Variants in GBE1 observed in about 807,000 individuals in gnomAD.
The protein encoded by GBE1 is 1,4-alpha-glucan branching enzyme 1.
Under a neutral mutation model 88.8 loss-of-function variants are expected in GBE1, and 70 were observed. The ratio of observed to expected loss-of-function variants is 0.79; its 90% CI spans 0.65 to 0.96. The LOEUF is 0.96. Ranked by LOEUF, GBE1 falls within the 40% of genes least tolerant of loss-of-function variation. The pLI, the probability that GBE1 is intolerant of heterozygous loss-of-function variation, is 0.00. For missense variants in GBE1, 872 were observed against 871.0 expected, an observed-to-expected ratio of 1.00 and a Z score of -0.01; for synonymous variants, 284 against 300.1, an observed-to-expected ratio of 0.95 and a Z score of 0.56.
At chr3:81,552,145 T>C (rs1326443203) in intron 12 of GBE1, among the ~76,000 whole-genome samples, 1 of 152,206 alleles carries the variant, frequency 6.6e-6, no homozygotes, top group Non-Finnish European at 1.5e-5. Context: ...TTACAATTGC[T>C]TGGGGTGGTT....
chr3:81,527,766 G>A (rs1307450010), intron 14 of GBE1, among the ~76,000 whole-genome samples: 1 of 152,132 alleles, frequency 6.6e-6, no homozygotes. Flanking sequence ...TACACTGTTA[G>A]TGGGAATGTA....
At chr3:81,635,689 C>T (rs1001718978) in intron 7 of GBE1, among the ~76,000 whole-genome samples, 5 of 152,058 alleles carry the variant, frequency 3.3e-5, no homozygotes, top group Admixed American at 1.3e-4. Flanking sequence ...ATAAACAAAA[C>T]CATTATTATT....
intron 1 of GBE1, among the ~76,000 whole-genome samples, chr3:81,759,347 T>C (rs1029738107): frequency 3.3e-5 from 5 of 152,246 alleles, no homozygotes; most frequent in Admixed American, 6.5e-5. Context: ...CTGTTGTTTG[T>C]ACCTCAAATT....
intron 7 of GBE1, among the ~76,000 whole-genome samples, chr3:81,615,840 T>C (rs978118527): frequency 6.6e-6 from 1 of 152,216 alleles, no homozygotes; most frequent in African/African-American, 2.4e-5. Flanking sequence ...TATTTAGTTT[T>C]ACAAGAAACT....
At chr3:81,551,679 T>C (rs1243433130) in intron 12 of GBE1, among the ~76,000 whole-genome samples, 2 of 152,228 alleles carry the variant, frequency 1.3e-5, no homozygotes, top group Admixed American at 6.5e-5. Context: ...GACTGATGTC[T>C]CATGTCTCCC....
chr3:81,509,277 T>A (rs919191254), intron 14 of GBE1, among the ~76,000 whole-genome samples: 4 of 150,308 alleles, frequency 2.7e-5, no homozygotes, highest in African/African-American at 9.7e-5. Context: ...AGTCTTTTTT[T>A]AAATTTTAGG....
chr3:81,748,649 A>G (rs1706452647), intron 1 of GBE1, among the ~76,000 whole-genome samples: 1 of 151,916 alleles, frequency 6.6e-6, no homozygotes, highest in South Asian at 2.1e-4. Flanking sequence ...TAATGATAAT[A>G]CCAAATGTTG....
At chr3:81,732,033 A>C (rs1706193838) in intron 1 of GBE1, among the ~76,000 whole-genome samples, 1 of 143,940 alleles carries the variant, frequency 6.9e-6, no homozygotes, top group Non-Finnish European at 1.6e-5. Context: ...AAACAATAAC[A>C]AACAAAAACT....
Position 81,521,538 on chromosome 3 carries a change from A to G in GBE1, c.1934+13657T>C, listed in dbSNP as rs539255467. On this transcript the variant is annotated intron_variant, in intron 14 of 15. Transcript: ENST00000429644. ...CTACACTGTAGGTTAAAAGTACAAG[A>G]ATAAAGTCAGAAAGATAAAAGGCCA... is the stretch of plus-strand genomic sequence containing the variant. Among the ~76,000 whole-genome samples the G allele has an allele frequency of 4.6e-5, 7 of 151,742 alleles. No individual in the cohort carries two copies. The South Asian group carries it at 1.5e-3, about 31-fold the overall frequency.
At chr3:81,668,573 C>T (rs1705145811) in intron 3 of GBE1, among the ~76,000 whole-genome samples, 1 of 151,988 alleles carries the variant, frequency 6.6e-6, no homozygotes, top group African/African-American at 2.4e-5. Flanking sequence ...TTTTTCATGC[C>T]TCCTACTTGA....
At chr3:81,622,475 C>T (rs566719965) in intron 7 of GBE1, among the ~76,000 whole-genome samples, 3 of 152,176 alleles carry the variant, frequency 2.0e-5, no homozygotes, top group Non-Finnish European at 4.4e-5. Flanking sequence ...TCTTTCTTCA[C>T]ACACACTCTT....
At chr3:81,652,600 T>C (rs1704865992) in intron 3 of GBE1, among the ~76,000 whole-genome samples, 3 of 152,178 alleles carry the variant, frequency 2.0e-5, no homozygotes, top group African/African-American at 7.2e-5. Flanking sequence ...CACTGACCTG[T>C]GATTGTTACA....
At chr3:81,521,668 C>G (rs1407723796) in intron 14 of GBE1, among the ~76,000 whole-genome samples, 2 of 151,464 alleles carry the variant, frequency 1.3e-5, no homozygotes, top group African/African-American at 4.8e-5. Flanking sequence ...ATGGGAGATG[C>G]TACAATCCTA....
chr3:81,493,851 A>T (rs1376669685), intron 15 of GBE1, among the ~76,000 whole-genome samples: 3 of 151,146 alleles, frequency 2.0e-5, no homozygotes, highest in Non-Finnish European at 4.4e-5. Context: ...TTTTTAAAGG[A>T]TGCCATAACA....
chr3:81,498,956 C>T (rs887038691), intron 15 of GBE1, among the ~76,000 whole-genome samples, 154 bp downstream of exon 15: 2 of 152,160 alleles, frequency 1.3e-5, no homozygotes, highest in Admixed American at 1.3e-4. Flanking sequence ...ACACACATTA[C>T]ATCTGGCCAA....
intron 15 of GBE1, 150 bp from the exon 16 acceptor site, chr3:81,490,613 C>A: frequency 1.5e-6 from 1 of 688,946 alleles, no homozygotes; most frequent in South Asian, 1.7e-5. Context: ...GGCTCAATTT[C>A]ACAGTTCCAA....
At chr3:81,686,467 A>C (rs1318743743) in intron 2 of GBE1, among the ~76,000 whole-genome samples, 1 of 152,170 alleles carries the variant, frequency 6.6e-6, no homozygotes, top group Non-Finnish European at 1.5e-5. Flanking sequence ...ATAAATTTTA[A>C]AGACACTGGC....
chr3:81,490,527 A>G (rs1702422783), intron 15 of GBE1, 64 bp from the exon 16 acceptor site: 2 of 1,288,224 alleles, frequency 1.6e-6, no homozygotes, highest in Admixed American at 1.8e-5. Flanking sequence ...CATTATGTCA[A>G]AGAAACATAG....
intron 1 of GBE1, among the ~76,000 whole-genome samples, chr3:81,746,020 A>G (rs1706415749): frequency 6.6e-6 from 1 of 152,232 alleles, no homozygotes; most frequent in South Asian, 2.1e-4. Flanking sequence ...TTTGTAAAAT[A>G]CTGACATTAG....
Sources: gnomAD v4.1 joint callset for allele counts (sites outside exome capture counted in the v4.1 genomes callset) on GRCh38, gnomAD v4.1.1 for gene constraint, MANE v1.5 for transcripts, NCBI Gene and HGNC (gene_info 2026-07-23, HGNC 2026-07-21) for gene names.